The following HDGF variants were observed in gnomAD, a reference collection of about 807,000 sequenced individuals.
HDGF encodes the protein heparin binding growth factor.
A neutral mutation model predicts 30.0 loss-of-function variants in HDGF; 5 were observed. The observed-to-expected ratio is 0.17, with a 90% CI of 0.09 to 0.35. The LOEUF is 0.35. HDGF is among the 10% of genes least tolerant of loss of function. The pLI is 1.00. For synonymous variants in HDGF, 133 were observed against 112.7 expected (o/e 1.18, Z -1.14); for missense variants, 214 against 302.8 (o/e 0.71, Z 2.18).
chr1:156,751,425 G>C lies in HDGF; in HGVS notation c.5C>G (p.Ser2Trp). Residue 2 changes from serine to tryptophan, a missense_variant, in exon 1 of 6, where the codon TCG (serine) becomes TGG (tryptophan). By Grantham distance (177) the Ser-to-Trp change is radical. Coordinates refer to ENST00000357325, the MANE Select transcript of HDGF (RefSeq NM_004494.3). This position sits in a 1 kb window ranked among gnomAD's most constrained non-coding sequence, Gnocchi z 4.7. ...GTACTCCTTCTGCCGGTTGGATCGC[G>C]ACATGGCGGGGCTCCGGGCGCCCCG... M[S>W]RSNRQKEYKC... 6.3e-7 allele frequency: 1 copy of C among 1,578,324 alleles called. No homozygotes were observed. The highest frequency in any genetic ancestry group is 8.6e-7 in the Non-Finnish European group (1 of 1,161,840).
chr1:156,766,042 G>C (rs1030884891), intron 1 of HDGF, among the ~76,000 whole-genome samples: 1 of 152,210 alleles, frequency 6.6e-6, no homozygotes, highest in Non-Finnish European at 1.5e-5. Context: ...TCTTAGGCTA[G>C]ATTTCAGGAA....
intron 2 of HDGF, among the ~76,000 whole-genome samples, chr1:156,757,686 C>T (rs574374955): frequency 6.1e-4 from 90 of 146,676 alleles, no homozygotes; most frequent in African/African-American, 2.2e-3. Flanking sequence ...CCAGATACTT[C>T]GGAGGCTGAG....
chr1:156,751,747 C>T (rs1203006521), upstream of HDGF: 5 of 1,121,764 alleles, frequency 4.5e-6, no homozygotes, highest in Non-Finnish European at 5.5e-6. This position sits in a 1 kb window ranked among gnomAD's most constrained non-coding sequence, Gnocchi z 4.7. Flanking sequence ...TCCTCCTCCT[C>T]CCTCCTCCCG....
chr1:156,766,357 C>T (rs1651376578), intron 1 of HDGF, among the ~76,000 whole-genome samples: 1 of 152,180 alleles, frequency 6.6e-6, no homozygotes, highest in African/African-American at 2.4e-5. Flanking sequence ...TTTCTGCAAT[C>T]TGGGAACAGG....
chr1:156,759,510 C>G (rs919863033), intron 1 of HDGF, among the ~76,000 whole-genome samples: 1 of 126,758 alleles, frequency 7.9e-6, no homozygotes, highest in African/African-American at 3.0e-5. Flanking sequence ...GAGATGGAGT[C>G]TCACTCTGTC....
chr1:156,758,637 G>C (rs570343853), intron 2 of HDGF, among the ~76,000 whole-genome samples: 1 of 102,760 alleles, frequency 9.7e-6, no homozygotes, highest in East Asian at 2.7e-4. Flanking sequence ...AATTAGCCGG[G>C]TGTGGTGGTG....
chr1:156,754,815 G>A (rs1033798003), upstream of HDGF, among the ~76,000 whole-genome samples: 53 of 152,278 alleles, frequency 3.5e-4, no homozygotes, highest in African/African-American at 1.1e-3. Context: ...TGGGTGTGTG[G>A]CAGGCGCCTG....
chr1:156,746,103 C>T (rs1171443030), intron 1 of HDGF, among the ~76,000 whole-genome samples: 1 of 152,222 alleles, frequency 6.6e-6, no homozygotes, highest in Admixed American at 6.5e-5. Context: ...TTACTTCCTC[C>T]AGAAAGCTTC....
At chr1:156,753,455 T>C (rs1297394167), upstream of HDGF, among the ~76,000 whole-genome samples, 1 of 152,226 alleles carries the variant, frequency 6.6e-6, no homozygotes, top group Non-Finnish European at 1.5e-5. Context: ...CTAAATCTTT[T>C]TGTTAGGAGA....
upstream of HDGF, chr1:156,752,002 GC>G: frequency 1.3e-6 from 2 of 1,539,578 alleles, no homozygotes; most frequent in Non-Finnish European, 1.8e-6. Context: ...GGACGGAGCG[GC>G]CCCCGCCCTT....
At chr1:156,759,258 C>T (rs917549173) in intron 1 of HDGF, 3 of 152,184 alleles carry the variant, frequency 2.0e-5, no homozygotes, top group African/African-American at 7.2e-5. Context: ...AAAAAGTCAT[C>T]TCCATGTTAC....
At chr1:156,756,902 C>T (rs1013111783), upstream of HDGF, among the ~76,000 whole-genome samples, 3 of 150,374 alleles carry the variant, frequency 2.0e-5, no homozygotes, top group African/African-American at 7.4e-5. Context: ...AAGTGATTCT[C>T]CCACCACGGC....
chr1:156,754,223 G>C (rs890195751), upstream of HDGF, among the ~76,000 whole-genome samples: 1 of 152,088 alleles, frequency 6.6e-6, no homozygotes, highest in Non-Finnish European at 1.5e-5. Context: ...CAACAAACAC[G>C]CTTTTAAACT....
chr1:156,745,789 T>C (rs1650495606), intron 1 of HDGF, among the ~76,000 whole-genome samples: 2 of 152,238 alleles, frequency 1.3e-5, no homozygotes, highest in Admixed American at 1.3e-4. Context: ...AGAACCCACC[T>C]GTTCACCCCT....
At chr1:156,753,856 G>A (rs115381382), upstream of HDGF, among the ~76,000 whole-genome samples, 1,254 of 151,872 alleles carry the variant, frequency 8.3e-3, 23 homozygotes, top group African/African-American at 0.029. Context: ...GGCCTAGGTC[G>A]TTATTATAAA....
chr1:156,754,484 A>G (rs1169985669), upstream of HDGF, among the ~76,000 whole-genome samples: 1 of 152,182 alleles, frequency 6.6e-6, no homozygotes, highest in East Asian at 1.9e-4. Flanking sequence ...CCTTACAGTA[A>G]CGTCATCAAC....
rs190997639 is a variant in HDGF at position 156,743,726 on chromosome 1, T to C, written c.642A>G (p.Glu214=). 2 of 1,603,656 alleles carry C rather than the reference T, an allele frequency of 1.2e-6. No individual in the cohort carries two copies. The highest frequency in any genetic ancestry group is 4.5e-5 in the East Asian group (2 of 44,782). The stretch of plus-strand genomic sequence containing the variant: ...CTTCCTCTTCATCCTCCTCCTCTTC[T>C]TCCTCTTGGGGAGGCCCCCGGCCAG... The part of the protein sequence containing the change: ...PGSGRGPPQE[E]EEEEDEEEEA... The change falls in exon 5 of 6, where the codon GAA becomes GAG. Residue 214 remains glutamate (E), a synonymous_variant. Coordinates refer to ENST00000357325, the MANE Select transcript of HDGF (RefSeq NM_004494.3).
At chr1:156,763,710 C>T (rs1489968232) in intron 1 of HDGF, among the ~76,000 whole-genome samples, 6 of 149,716 alleles carry the variant, frequency 4.0e-5, no homozygotes, top group South Asian at 2.1e-4. Flanking sequence ...CTTAGCCTCC[C>T]GAGTAGCTGG....
rs767590907 is a variant in HDGF at position 156,744,366 on chromosome 1, C to A, written c.304-18G>T. 7.4e-6 allele frequency: 12 copies of A among 1,613,248 alleles called. No homozygotes were observed. The African/African-American group carries it at 1.6e-4, about 22-fold the overall frequency. The stretch of plus-strand genomic sequence containing the variant: ...TGGGAGGACTGCAGCAGAGACAGCA[C>A]AGGCTGAGTGGCACCAGTCGCTGCC... On this transcript the variant is annotated intron_variant, in intron 3 of 5. Transcript: ENST00000357325.
Sources: gnomAD v4.1 joint callset for allele counts (sites outside exome capture counted in the v4.1 genomes callset) on GRCh38, gnomAD v4.1.1 for gene constraint, Gnocchi (gnomAD v3.1) non-coding constraint, MANE v1.5 for transcripts, NCBI Gene and HGNC (gene_info 2026-07-23, HGNC 2026-07-21) for gene names.